LRRC20: variants seen among roughly 807,000 people sequenced by gnomAD.
The protein encoded by LRRC20 is leucine-rich repeat-containing protein 20.
In LRRC20, 11 loss-of-function variants were observed where a neutral mutation model predicts 14.4. The ratio of observed to expected loss-of-function variants is 0.77; its 90% confidence interval spans 0.48 to 1.27. The LOEUF is 1.27. LRRC20 is among the 50% of genes most tolerant of loss of function. The pLI, the probability that LRRC20 is intolerant of heterozygous loss-of-function variation, is 0.00. For synonymous variants in LRRC20, 121 were observed against 107.3 expected (o/e 1.13, Z -0.79); for missense variants, 219 against 251.2 (o/e 0.87, Z 0.87).
At chr10:70,331,001 G>A (rs867475139) in intron 3 of LRRC20, among the ~76,000 whole-genome samples, 5 of 152,202 alleles carry the variant, frequency 3.3e-5, no homozygotes, top group Admixed American at 2.0e-4. Context: ...TCTTCCTGGA[G>A]GCAGGTCAGA....
At chr10:70,376,711 G>C in intron 1 of LRRC20, 115 bp from the exon 2 acceptor site, 1 of 617,918 alleles carries the variant, frequency 1.6e-6, no homozygotes, top group Non-Finnish European at 2.8e-6. Flanking sequence ...CCTGCAGGGA[G>C]GGCCCCAGGC....
At chr10:70,380,351 C>T (rs564549920) in intron 1 of LRRC20, among the ~76,000 whole-genome samples, 4 of 152,236 alleles carry the variant, frequency 2.6e-5, no homozygotes, top group African/African-American at 7.2e-5. Context: ...AAAATCACCA[C>T]GCTTATTAAC....
chr10:70,351,293 C>T (rs917404608), intron 2 of LRRC20, among the ~76,000 whole-genome samples: 1 of 152,102 alleles, frequency 6.6e-6, no homozygotes, highest in Admixed American at 6.5e-5. Context: ...TTGTTTTTAA[C>T]AATATCCCCA....
intron 2 of LRRC20, among the ~76,000 whole-genome samples, chr10:70,346,740 A>G (rs966445312): frequency 8.5e-5 from 13 of 152,368 alleles, no homozygotes; most frequent in Middle Eastern, 3.4e-3. Context: ...AAAGGATTTG[A>G]GCAATTTGTT....
chr10:70,374,811 C>T lies in LRRC20; in HGVS notation c.82+1641G>A, dbSNP rs966501652. On this transcript the variant is annotated intron_variant, in intron 2 of 4. Transcript: ENST00000446961. ...GGAAGGGCTTAGGTCTCGCCACCAG[C>T]TTTTGGGAATGAGCAAAAATTAAAA... Among the ~76,000 whole-genome samples the T allele has an allele frequency of 3.3e-5, 5 of 152,200 alleles. No individual in the cohort carries two copies. The South Asian group carries it at 1.0e-3, about 31-fold the overall frequency.
At chr10:70,324,081 G>C in intron 3 of LRRC20, 51 bp from the exon 4 acceptor site, 1 of 1,565,926 alleles carries the variant, frequency 6.4e-7, no homozygotes, top group Non-Finnish European at 8.8e-7. Flanking sequence ...GGGCCACCCC[G>C]AGACCACAGT....
At position 70,334,798 on chromosome 10, in the gene LRRC20, C is replaced by T. The variant is rs1484009464; in HGVS notation, c.232+5755G>A. On this transcript the variant is annotated intron_variant, in intron 3 of 4. Transcript: ENST00000446961. ...GTGCAGAGAGGAGCCAAGGCTGAGG[C>T]GTGGCCCCCTCTGGCACCAAGGCGG... 3.9e-5 allele frequency among the ~76,000 whole-genome samples: 6 copies of T among 152,336 alleles called. No individual in the cohort carries two copies. The South Asian group carries it at 6.2e-4, about 16-fold the overall frequency.
Position 70,338,650 on chromosome 10 carries a change from TTTTG to T in LRRC20, c.232+1899_232+1902del, listed in dbSNP as rs1034639392. ...GGATGTATGGTTTTGTTTTTTTGGTTTTTGTTTGTTTGTTTGTTTTGTTTTTTTG... is the reference window on the plus strand; with the variant it reads ...GGATGTATGGTTTTGTTTTTTTGGTTTTTGTTTGTTTGTTTTGTTTTTTTG... On this transcript the variant is annotated intron_variant, in intron 3 of 4. Coordinates refer to ENST00000446961, the MANE Select transcript of LRRC20 (RefSeq NM_001278212.2). Among the ~76,000 whole-genome samples the T allele has an allele frequency of 1.9e-4, 29 of 152,176 alleles. No homozygotes were observed. The East Asian group carries it at 3.1e-3, about 16-fold the overall frequency.
intron 3 of LRRC20, among the ~76,000 whole-genome samples, chr10:70,325,303 T>C (rs898978014): frequency 6.6e-6 from 1 of 152,152 alleles, no homozygotes; most frequent in African/African-American, 2.4e-5. Flanking sequence ...AGCTGGGTCA[T>C]GGAGTCTGAG....
chr10:70,308,877 G>A (rs1304882670), intron 4 of LRRC20, among the ~76,000 whole-genome samples: 1 of 152,230 alleles, frequency 6.6e-6, no homozygotes, highest in Non-Finnish European at 1.5e-5. Context: ...GGGTACAAAT[G>A]TCATACCACA....
intron 2 of LRRC20, among the ~76,000 whole-genome samples, chr10:70,354,182 GTC>G (rs1843436980): frequency 6.6e-6 from 1 of 152,158 alleles, no homozygotes. Flanking sequence ...CTCCCAGAGA[GTC>G]TGATTTAATT....
At chr10:70,322,972 T>C (rs1197912137) in intron 4 of LRRC20, among the ~76,000 whole-genome samples, 2 of 151,342 alleles carry the variant, frequency 1.3e-5, no homozygotes, top group African/African-American at 2.4e-5. Context: ...TGATGGGGAA[T>C]GGCCTGCCTC....
At chr10:70,373,936 G>A (rs1444357685) in intron 2 of LRRC20, among the ~76,000 whole-genome samples, 5 of 152,158 alleles carry the variant, frequency 3.3e-5, no homozygotes, top group Admixed American at 6.5e-5. Context: ...TGCCCTAGCC[G>A]CCCTGCACAC....
At chr10:70,333,145 A>G (rs992193006) in intron 3 of LRRC20, among the ~76,000 whole-genome samples, 2 of 152,198 alleles carry the variant, frequency 1.3e-5, no homozygotes, top group African/African-American at 4.8e-5. Flanking sequence ...GGGAAACTGC[A>G]GTCTTCTGCC....
At chr10:70,359,934 T>TTTTTTTA (rs1843662449) in intron 2 of LRRC20, among the ~76,000 whole-genome samples, 1 of 150,642 alleles carries the variant, frequency 6.6e-6, no homozygotes, top group African/African-American at 2.5e-5. Flanking sequence ...TTTTTTTTTT[T>TTTTTTTA]GAGGTGGAGT....
chr10:70,323,778 C>T, intron 4 of LRRC20, 85 bp downstream of exon 4: 1 of 1,460,742 alleles, frequency 6.8e-7, no homozygotes. Context: ...CTTCTCCTCC[C>T]ACCTGTGAAG....
chr10:70,376,747 G>A (rs1844525645), intron 1 of LRRC20, 151 bp from the exon 2 acceptor site: 1 of 577,328 alleles, frequency 1.7e-6, no homozygotes, highest in South Asian at 2.0e-5. Flanking sequence ...GCAGGGCCGA[G>A]AGCTCAGGCC....
intron 2 of LRRC20, among the ~76,000 whole-genome samples, chr10:70,341,710 G>A (rs1371139568): frequency 6.6e-6 from 1 of 152,216 alleles, no homozygotes; most frequent in African/African-American, 2.4e-5. Context: ...GGGAGTTACA[G>A]TGGGCCCAGG....
chr10:70,351,700 G>C lies in LRRC20; in HGVS notation c.83-10998C>G, dbSNP rs114959238. ...CAAACATTGCATAAGTAGCCAAGGA[G>C]CAATGAATAGCAGCAACTAGAATCA... On this transcript the variant is annotated intron_variant, in intron 2 of 4. Coordinates refer to ENST00000446961, the MANE Select transcript of LRRC20 (RefSeq NM_001278212.2). 9.3e-3 allele frequency among the ~76,000 whole-genome samples: 1,412 copies of C among 152,290 alleles called. 19 individuals are homozygous for C. Among genetic ancestry groups the C allele is most frequent in the African/African-American group, 0.032 (1,317 of 41,554 alleles).
Sources: gnomAD v4.1 joint callset for allele counts (sites outside exome capture counted in the v4.1 genomes callset) on GRCh38, gnomAD v4.1.1 for gene constraint, MANE v1.5 for transcripts, NCBI Gene and HGNC (gene_info 2026-07-23, HGNC 2026-07-21) for gene names.